The following PTPN21 variants were observed in gnomAD, a reference collection of about 807,000 sequenced individuals.
PTPN21 encodes the protein protein tyrosine phosphatase non-receptor type 21.
A neutral mutation model predicts 131.8 loss-of-function variants in PTPN21; 77 were observed. That is an observed-to-expected ratio of 0.58 (90% confidence interval 0.49 to 0.71). PTPN21 has a LOEUF of 0.71. Among genes scored for constraint, PTPN21 ranks in the 30% least tolerant of loss-of-function variants. The pLI is 0.00. For missense variants in PTPN21, 1,552 were observed against 1,527.1 expected, an observed-to-expected ratio of 1.02 and a Z score of -0.27; for synonymous variants, 715 against 621.3, an observed-to-expected ratio of 1.15 and a Z score of -2.24.
intron 10 of PTPN21, among the ~76,000 whole-genome samples, 178 bp downstream of exon 10, chr14:88,496,235 C>T (rs2077913727): frequency 6.6e-6 from 1 of 152,126 alleles, no homozygotes; most frequent in Non-Finnish European, 1.5e-5. Context: ...TGAAATAAAT[C>T]TTAGAGGCAT....
At chr14:88,544,868 C>T (rs2078753809) in intron 2 of PTPN21, among the ~76,000 whole-genome samples, 1 of 152,038 alleles carries the variant, frequency 6.6e-6, no homozygotes, top group Non-Finnish European at 1.5e-5. Flanking sequence ...CACTCTGTCG[C>T]CCAGGCTGGA....
intron 2 of PTPN21, among the ~76,000 whole-genome samples, chr14:88,533,239 G>GT (rs1164710054): frequency 1.3e-5 from 2 of 152,100 alleles, no homozygotes; most frequent in Non-Finnish European, 2.9e-5. Flanking sequence ...GCTGTTATTT[G>GT]TTTTTTGAAA....
intron 10 of PTPN21, among the ~76,000 whole-genome samples, chr14:88,493,672 G>T (rs1410228508): frequency 6.6e-6 from 1 of 152,192 alleles, no homozygotes; most frequent in Non-Finnish European, 1.5e-5. Flanking sequence ...CAAGTGGGAG[G>T]GAGCTCCAGG....
Position 88,469,216 on chromosome 14 carries a change from A to G in PTPN21, c.3236-140T>C. 1.1e-6 allele frequency: 1 copy of G among 923,096 alleles called. No individual in the cohort carries two copies. The highest frequency in any genetic ancestry group is 1.8e-5 in the South Asian group (1 of 57,036). 57.2% of individuals were successfully genotyped at this position (923,096 alleles called of 1,614,324 possible). A position where few individuals can be genotyped will look rare whatever the true frequency, so the allele number is the denominator to read the frequency against. ...GTGCCAGTGAACCAAACCCAACCAC[A>G]AAGGGACAGTGTGACCCTGAGCAAG... On this transcript the variant is annotated intron_variant, in intron 17 of 18. Coordinates refer to ENST00000556564, the MANE Select transcript of PTPN21 (RefSeq NM_007039.4). The surrounding 1 kb of genome is among the most constrained non-coding windows in gnomAD (Gnocchi z 4.3).
chr14:88,518,255 A>AATATAT (rs1555388146), intron 2 of PTPN21, among the ~76,000 whole-genome samples: 746 of 18,626 alleles, frequency 0.04, 17 homozygotes, highest in Middle Eastern at 0.05. Context: ...AAAAAAAAAA[A>AATATAT]ATATATATAT....
In PTPN21 at chr14:88,469,117, A is replaced by T. The variant is rs201532355; in HGVS notation, c.3236-41T>A. ...GAAATAGAAAAGTACTCAAGGATCA[A>T]GGCGTATCACATTGTTGACTCAATC... is the stretch of plus-strand genomic sequence containing the variant. On this transcript the variant is annotated intron_variant, in intron 17 of 18. Coordinates refer to ENST00000556564, the MANE Select transcript of PTPN21 (RefSeq NM_007039.4). This position sits in a 1 kb window ranked among gnomAD's most constrained non-coding sequence, Gnocchi z 4.3. 1.9e-5 allele frequency: 30 copies of T among 1,574,454 alleles called. No individual in the cohort carries two copies. In the Admixed American group the frequency reaches 4.2e-4, roughly 22 times the overall value.
At chr14:88,483,212 CAAAAA>C (rs10586298) in intron 12 of PTPN21, among the ~76,000 whole-genome samples, 3 of 95,618 alleles carry the variant, frequency 3.1e-5, no homozygotes, top group African/African-American at 1.1e-4. Flanking sequence ...ACTCCGTCTC[CAAAAA>C]AAAAAAAAAA....
chr14:88,511,430 T>C (rs2078180110), intron 3 of PTPN21, among the ~76,000 whole-genome samples: 1 of 152,170 alleles, frequency 6.6e-6, no homozygotes, highest in African/African-American at 2.4e-5. Context: ...CCCAGCACTT[T>C]GGGAGGCTGA....
At chr14:88,478,626 G>C (rs73314125) in intron 13 of PTPN21, among the ~76,000 whole-genome samples, 5,154 of 151,728 alleles carry the variant, frequency 0.034, 354 homozygotes, top group African/African-American at 0.12. Flanking sequence ...TCCCTTAACA[G>C]TGCATTACTA....
chr14:88,495,013 C>CA (rs386382090), intron 10 of PTPN21, among the ~76,000 whole-genome samples: 8,819 of 49,156 alleles, frequency 0.18, 3,269 homozygotes, highest in East Asian at 0.28. Context: ...ACTCTGTCTC[C>CA]AAAAAAAAAA....
At chr14:88,475,282 A>C (rs2077533818) in intron 13 of PTPN21, among the ~76,000 whole-genome samples, 1 of 152,234 alleles carries the variant, frequency 6.6e-6, no homozygotes. Context: ...GGAAAAGGCA[A>C]CTTGGTGAGA....
At chr14:88,504,639 G>T in intron 5 of PTPN21, 144 bp from the exon 6 acceptor site, 1 of 570,698 alleles carries the variant, frequency 1.8e-6, no homozygotes, top group South Asian at 2.7e-5. Flanking sequence ...GTTTACATAG[G>T]TAATCATCTT....
rs1201923354 is a variant in PTPN21 at position 88,517,273 on chromosome 14, G to C, written c.181-12C>G. 3 of 1,612,282 alleles carry C rather than the reference G, an allele frequency of 1.9e-6. No individual in the cohort carries two copies. In the East Asian group the frequency reaches 6.7e-5, roughly 36 times the overall value. On this transcript the variant is annotated splice_polypyrimidine_tract_variant and intron_variant, in intron 2 of 18. Transcript: ENST00000556564. ...CTGAAGTAAGTGACCTGGAAAGACA[G>C]AAGGTCATTGAAGGAGGCAATAACA... is the stretch of plus-strand genomic sequence containing the variant.
intron 2 of PTPN21, among the ~76,000 whole-genome samples, chr14:88,530,900 G>C (rs2078547424): frequency 6.6e-6 from 1 of 152,090 alleles, no homozygotes; most frequent in South Asian, 2.1e-4. Context: ...AGTCAACAAA[G>C]AAACAATGGA....
chr14:88,522,504 T>A (rs2078411607), intron 2 of PTPN21, among the ~76,000 whole-genome samples: 1 of 149,410 alleles, frequency 6.7e-6, no homozygotes, highest in African/African-American at 2.5e-5. Flanking sequence ...AATAAAGGAG[T>A]CTAAGATTTG....
At chr14:88,530,214 GACAA>G (rs1169844943) in intron 2 of PTPN21, among the ~76,000 whole-genome samples, 4 of 141,698 alleles carry the variant, frequency 2.8e-5, no homozygotes, top group African/African-American at 9.8e-5. Context: ...GTCTTTTTCA[GACAA>G]ACAAATGCTG....
Position 88,468,783 on chromosome 14 carries a change from G to C in PTPN21, c.3396+133C>G, listed in dbSNP as rs548825670. 8.4e-6 allele frequency: 9 copies of C among 1,067,794 alleles called. No individual in the cohort carries two copies. In the East Asian group the frequency reaches 1.7e-4, roughly 20 times the overall value. 66.1% of individuals were successfully genotyped at this position (1,067,794 alleles called of 1,614,324 possible). On this transcript the variant is annotated intron_variant, in intron 18 of 18. Transcript: ENST00000556564. ...CCAAGAAGACACAGCCTTTTGCAGG[G>C]AACATTAGTAACATCTTGAGGCCAC... is the stretch of plus-strand genomic sequence containing the variant.
At chr14:88,511,039 A>G (rs145455815) in intron 3 of PTPN21, among the ~76,000 whole-genome samples, 108 of 151,938 alleles carry the variant, frequency 7.1e-4, no homozygotes, top group Admixed American at 1.8e-3. Context: ...CAGCCTCCTG[A>G]GTAGTTGGGA....
At chr14:88,549,973 A>G (rs937430317) in intron 2 of PTPN21, among the ~76,000 whole-genome samples, 2 of 152,096 alleles carry the variant, frequency 1.3e-5, no homozygotes, top group African/African-American at 4.8e-5. Flanking sequence ...TTTAGTAGAC[A>G]TGGGGTTTCA....
Sources: gnomAD v4.1 joint callset for allele counts (sites outside exome capture counted in the v4.1 genomes callset) on GRCh38, gnomAD v4.1.1 for gene constraint, Gnocchi (gnomAD v3.1) non-coding constraint, MANE v1.5 for transcripts, NCBI Gene and HGNC (gene_info 2026-07-23, HGNC 2026-07-21) for gene names.